Variants in PLPPR4 observed in about 807,000 individuals in gnomAD.
The protein encoded by PLPPR4 is phospholipid phosphatase-related protein type 4.
Under a neutral mutation model 56.6 loss-of-function variants are expected in PLPPR4, and 24 were observed. The observed-to-expected ratio is 0.42, with a 90% CI of 0.31 to 0.60. The LOEUF is 0.60. Among genes scored for constraint, PLPPR4 ranks in the 20% least tolerant of loss-of-function variants. The pLI, the probability that PLPPR4 is intolerant of heterozygous loss-of-function variation, is 0.13. For synonymous variants in PLPPR4, 326 were observed against 328.1 expected (o/e 0.99, Z 0.07); for missense variants, 654 against 885.8 (o/e 0.74, Z 3.32).
At chr1:99,267,601 G>A (rs2100781179) in intron 1 of PLPPR4, among the ~76,000 whole-genome samples, 1 of 152,256 alleles carries the variant, frequency 6.6e-6, no homozygotes, top group East Asian at 1.9e-4. Context: ...CTGAGATATG[G>A]TAGGCAATCA....
At chr1:99,300,390 G>T (rs1659855702) in intron 4 of PLPPR4, among the ~76,000 whole-genome samples, 2 of 151,924 alleles carry the variant, frequency 1.3e-5, no homozygotes, top group Admixed American at 6.6e-5. Flanking sequence ...ATTTTGTAGA[G>T]AAACATTTTG....
chr1:99,263,413 G>A (rs1163258543), upstream of PLPPR4, among the ~76,000 whole-genome samples: 4 of 152,114 alleles, frequency 2.6e-5, no homozygotes, highest in Non-Finnish European at 5.9e-5. Context: ...TAGATAGGAT[G>A]GTCCCATACT....
intron 4 of PLPPR4, among the ~76,000 whole-genome samples, chr1:99,300,533 T>G (rs550610921): frequency 1.3e-5 from 2 of 152,166 alleles, no homozygotes; most frequent in Non-Finnish European, 2.9e-5. Flanking sequence ...ATAGAAAAAG[T>G]TTAAAGCTTT....
intron 3 of PLPPR4, among the ~76,000 whole-genome samples, chr1:99,297,959 G>C (rs1021733686): frequency 7.2e-5 from 11 of 152,106 alleles, no homozygotes; most frequent in Non-Finnish European, 1.6e-4. Flanking sequence ...GGTCTAGAAA[G>C]TCCATTATCC....
intron 1 of PLPPR4, among the ~76,000 whole-genome samples, chr1:99,272,385 A>C (rs1659081928): frequency 6.6e-6 from 1 of 152,148 alleles, no homozygotes; most frequent in African/African-American, 2.4e-5. Flanking sequence ...CTCCTGTTCT[A>C]GTGCTCTTTC....
chr1:99,301,995 A>G (rs1282369672), intron 6 of PLPPR4, 98 bp downstream of exon 6: 2 of 762,088 alleles, frequency 2.6e-6, no homozygotes, highest in Non-Finnish European at 3.9e-6. Flanking sequence ...TATATTTTAT[A>G]TAAATGAGAA....
rs192517466 is a variant in PLPPR4, at chr1:99,267,867, C to G, written c.78+3196C>G. Among the ~76,000 whole-genome samples the G allele has an allele frequency of 3.3e-4, 50 of 152,272 alleles. No individual in the cohort carries two copies. In the East Asian group the frequency reaches 8.9e-3, roughly 27 times the overall value. ...CAGTTTGTACAAGAATAATGACAAC[C>G]ATTTATAAAGTACTTAGTATGTACT... On this transcript the variant is annotated intron_variant, in intron 1 of 6. Transcript: ENST00000370185.
At chr1:99,288,223 G>T in intron 2 of PLPPR4, 73 bp downstream of exon 2, 2 of 1,332,192 alleles carry the variant, frequency 1.5e-6, no homozygotes, top group Non-Finnish European at 2.1e-6. Context: ...ATAATAAATG[G>T]GTTCAAAGCA....
chr1:99,288,476 A>G (rs1469074935), intron 2 of PLPPR4, among the ~76,000 whole-genome samples: 1 of 150,422 alleles, frequency 6.6e-6, no homozygotes. Flanking sequence ...CTTACTTTAC[A>G]TGTGTTTATT....
At chr1:99,293,545 G>C (rs1659672565) in intron 2 of PLPPR4, among the ~76,000 whole-genome samples, 1 of 151,942 alleles carries the variant, frequency 6.6e-6, no homozygotes, top group Non-Finnish European at 1.5e-5. Context: ...GAAAAAAAAG[G>C]GCGCTTTTTC....
At chr1:99,270,371 T>C (rs1407196247) in intron 1 of PLPPR4, among the ~76,000 whole-genome samples, 1 of 152,214 alleles carries the variant, frequency 6.6e-6, no homozygotes, top group Non-Finnish European at 1.5e-5. Flanking sequence ...TAGCAGTAGA[T>C]ACGTTGCAGG....
chr1:99,287,402 T>C (rs1320331552), intron 1 of PLPPR4, among the ~76,000 whole-genome samples: 1 of 152,222 alleles, frequency 6.6e-6, no homozygotes, highest in East Asian at 1.9e-4. Context: ...TTTGGGTATA[T>C]ACCCAGTAAT....
intron 6 of PLPPR4, among the ~76,000 whole-genome samples, chr1:99,302,513 TTA>T (rs1313609102): frequency 5.1e-4 from 15 of 29,210 alleles, no homozygotes; most frequent in Non-Finnish European, 7.7e-4. Flanking sequence ...CTTTTTTTTA[TTA>T]TTATTATTAT....
chr1:99,295,602 T>C (rs1011430458), intron 2 of PLPPR4, among the ~76,000 whole-genome samples: 9 of 152,220 alleles, frequency 5.9e-5, no homozygotes, highest in African/African-American at 1.4e-4. Flanking sequence ...AATATTTAAT[T>C]TCACAACAAT....
At chr1:99,274,158 T>C (rs1453481492) in intron 1 of PLPPR4, among the ~76,000 whole-genome samples, 2 of 151,984 alleles carry the variant, frequency 1.3e-5, no homozygotes, top group East Asian at 3.8e-4. Flanking sequence ...CTATTAGATA[T>C]ATTTTTTTTT....
chr1:99,280,432 TG>T (rs1291461103), intron 1 of PLPPR4, among the ~76,000 whole-genome samples: 2 of 152,256 alleles, frequency 1.3e-5, no homozygotes, highest in East Asian at 3.8e-4. Flanking sequence ...CTATGTTTTT[TG>T]TTCCTTTAAT....
In PLPPR4 at chr1:99,303,850, A is replaced by G. The variant is rs866857374; in HGVS notation, c.823-1835A>G. Among the ~76,000 whole-genome samples the G allele has an allele frequency of 1.3e-3, 194 of 152,342 alleles. 2 individuals are homozygous for G. Among genetic ancestry groups the G allele is most frequent in the African/African-American group, 4.4e-3 (185 of 41,576 alleles). ...AATTGTGCATAAGCCTGGGTTGCCC[A>G]TGGGAGTGTTAGTTGGCAATGTGCA... is the stretch of plus-strand genomic sequence containing the variant. On this transcript the variant is annotated intron_variant, in intron 6 of 6. Transcript: ENST00000370185.
At chr1:99,293,374 TG>T (rs1345770280) in intron 2 of PLPPR4, among the ~76,000 whole-genome samples, 3 of 152,200 alleles carry the variant, frequency 2.0e-5, no homozygotes. Context: ...TTTCTGAAAT[TG>T]CCCTTAAATT....
chr1:99,288,202 A>G, intron 2 of PLPPR4, 52 bp downstream of exon 2: 1 of 1,520,872 alleles, frequency 6.6e-7, no homozygotes, highest in Non-Finnish European at 9.0e-7. Context: ...ACTAAAAATC[A>G]CCACATTTGT....
Sources: allele counts gnomAD v4.1 joint callset (sites outside exome capture counted in the v4.1 genomes callset), GRCh38; gene constraint gnomAD v4.1.1; transcripts MANE v1.5; gene names NCBI Gene and HGNC (gene_info 2026-07-23, HGNC 2026-07-21).